The following CDC42BPB variants were observed in gnomAD, a reference collection of about 807,000 sequenced individuals.
The protein encoded by CDC42BPB is CDC42 binding protein kinase beta.
In CDC42BPB, 37 loss-of-function variants were observed where a neutral mutation model predicts 214.9. That is an observed-to-expected ratio of 0.17 (90% CI 0.13 to 0.23). The LOEUF (loss-of-function observed/expected upper bound fraction) is 0.23. CDC42BPB is among the 10% of genes least tolerant of loss of function. The probability of loss-of-function intolerance (pLI) is 1.00; values close to 1 mark genes in which losing one functional copy is unlikely to be tolerated. For missense variants in CDC42BPB, 1,694 were observed against 2,227.0 expected, an observed-to-expected ratio of 0.76 and a Z score of 4.82; for synonymous variants, 931 against 884.0, an observed-to-expected ratio of 1.05 and a Z score of -0.94.
At chr14:102,999,440 C>T (rs1015439028) in intron 5 of CDC42BPB, 125 bp downstream of exon 5, 16 of 832,784 alleles carry the variant, frequency 1.9e-5, no homozygotes, top group South Asian at 1.1e-4. Context: ...GTCTGTGCTG[C>T]GGCAGCTCAA....
At chr14:103,050,805 A>G (rs1199016156) in intron 1 of CDC42BPB, among the ~76,000 whole-genome samples, 1 of 152,072 alleles carries the variant, frequency 6.6e-6, no homozygotes, top group Non-Finnish European at 1.5e-5. Flanking sequence ...ATGACTCTGC[A>G]ATTTTGGAGG....
At chr14:103,036,777 C>T (rs1887687902) in intron 1 of CDC42BPB, among the ~76,000 whole-genome samples, 1 of 152,074 alleles carries the variant, frequency 6.6e-6, no homozygotes, top group African/African-American at 2.4e-5. Context: ...ATGCAATAAC[C>T]ATATTTCAAC....
At chr14:102,963,034 A>C in intron 20 of CDC42BPB, 27 bp downstream of exon 20, 2 of 1,023,814 alleles carry the variant, frequency 2.0e-6, no homozygotes, top group Non-Finnish European at 3.0e-6. Context: ...TATTCAAATA[A>C]TGCAGAATCG....
chr14:103,026,870 T>TAA (rs1036092882), intron 1 of CDC42BPB, among the ~76,000 whole-genome samples: 17 of 132,708 alleles, frequency 1.3e-4, no homozygotes, highest in African/African-American at 3.6e-4. Context: ...TCCGTCTCAT[T>TAA]AAAAAAAAAA....
chr14:103,030,121 G>C (rs1344828514), intron 1 of CDC42BPB, among the ~76,000 whole-genome samples: 1 of 152,118 alleles, frequency 6.6e-6, no homozygotes, highest in Admixed American at 6.5e-5. Flanking sequence ...TTTCCTTCCT[G>C]AACAGAGGAG....
At chr14:102,964,898 C>A in intron 18 of CDC42BPB, 1 of 435,252 alleles carries the variant, frequency 2.3e-6, no homozygotes, top group Non-Finnish European at 3.1e-6. Context: ...AAAAGTGATT[C>A]TGTAGTGCAA....
intron 1 of CDC42BPB, among the ~76,000 whole-genome samples, chr14:103,016,331 A>T (rs1264321380): frequency 6.6e-6 from 1 of 152,252 alleles, no homozygotes; most frequent in African/African-American, 2.4e-5. Context: ...AGGAAGCTGC[A>T]AGTCGTCCTC....
In CDC42BPB at chr14:103,001,989, A is replaced by T. The variant is rs1003887594; in HGVS notation, c.447+1939T>A. Among the ~76,000 whole-genome samples, 1 of 152,216 alleles carries T rather than the reference A, an allele frequency of 6.6e-6. No homozygotes were observed. Among genetic ancestry groups the T allele is most frequent in the African/African-American group, 2.4e-5 (1 of 41,458 alleles). The stretch of plus-strand genomic sequence containing the variant: ...AGAATCAGACCTAGTCTGTCCTGTC[A>T]CAGAACGCGGGGTGCTGAGTTAAGC... On this transcript the variant is annotated intron_variant, in intron 4 of 36. Coordinates refer to ENST00000361246, the MANE Select transcript of CDC42BPB (RefSeq NM_006035.4). This position sits in a 1 kb window ranked among gnomAD's most constrained non-coding sequence, Gnocchi z 5.8.
rs1891822723 is a variant in CDC42BPB, at chr14:102,940,087, C to A, written c.4550G>T (p.Cys1517Phe). 6.2e-7 allele frequency: 1 copy of A among 1,613,980 alleles called. No homozygotes were observed. Among genetic ancestry groups the A allele is most frequent in the Non-Finnish European group, 8.5e-7 (1 of 1,180,042 alleles). Residue 1517 changes from cysteine to phenylalanine, a missense_variant, in exon 32 of 37, where the codon TGC (cysteine) becomes TTC (phenylalanine). Cys to Phe is a radical substitution (Grantham distance 205). Coordinates refer to ENST00000361246, the MANE Select transcript of CDC42BPB (RefSeq NM_006035.4). ...GAAGTAGATCAAGCGTGGAGGCTCG[C>A]AGTTGAGGAGGTTGAGGGTGCCTTC... The part of the protein sequence containing the change: ...NSEGTLNLLN[C>F]EPPRLIYFKS...
chr14:102,960,115 G>A (rs1486306046), intron 20 of CDC42BPB, among the ~76,000 whole-genome samples: 2 of 152,096 alleles, frequency 1.3e-5, no homozygotes, highest in Middle Eastern at 3.2e-3. Context: ...GCTGAGGCAG[G>A]AGAATCTCGA....
At chr14:102,934,235 C>T (rs549353206) in intron 36 of CDC42BPB, 1 of 171,856 alleles carries the variant, frequency 5.8e-6, no homozygotes, top group African/African-American at 2.4e-5. Flanking sequence ...CCCATCTCTA[C>T]TGAAAACACA....
rs1893733689 is a variant in CDC42BPB at position 102,976,165 on chromosome 14, T to C, written c.1221-116A>G. On this transcript the variant is annotated intron_variant, in intron 9 of 36. Coordinates refer to ENST00000361246, the MANE Select transcript of CDC42BPB (RefSeq NM_006035.4). ...TTTTAAATCAGCAAACAAAAACACC[T>C]GAGATAAGACTTTATGGTTTATGGA... 2.7e-6 allele frequency: 4 copies of C among 1,494,494 alleles called. No individual in the cohort carries two copies. In the East Asian group the frequency reaches 6.9e-5, roughly 26 times the overall value. The allele number at this position is 1,494,494 out of a possible 1,614,324, so 92.6% of individuals were successfully genotyped here.
intron 17 of CDC42BPB, 62 bp downstream of exon 17, chr14:102,966,984 G>A: frequency 6.4e-7 from 1 of 1,572,244 alleles, no homozygotes. Flanking sequence ...GAAGAGGCGG[G>A]GCAGACCCCA....
At chr14:103,053,555 A>G (rs576376502) in intron 1 of CDC42BPB, among the ~76,000 whole-genome samples, 5 of 151,612 alleles carry the variant, frequency 3.3e-5, no homozygotes, top group African/African-American at 9.7e-5. Flanking sequence ...AGGTCTGGAG[A>G]TCGAGACCAT....
intron 2 of CDC42BPB, among the ~76,000 whole-genome samples, chr14:103,010,603 A>G (rs905069164): frequency 1.3e-4 from 20 of 152,242 alleles, no homozygotes; most frequent in African/African-American, 4.6e-4. Flanking sequence ...TGGGCAGAGC[A>G]CACCTGCTGC....
intron 1 of CDC42BPB, among the ~76,000 whole-genome samples, chr14:103,045,631 C>G (rs1487683107): frequency 6.6e-6 from 1 of 152,218 alleles, no homozygotes; most frequent in African/African-American, 2.4e-5. Context: ...AAAGAAAAAC[C>G]TGCTCTCCTG....
At chr14:103,007,112 C>G (rs1340548955) in intron 3 of CDC42BPB, among the ~76,000 whole-genome samples, 4 of 152,172 alleles carry the variant, frequency 2.6e-5, no homozygotes, top group African/African-American at 9.7e-5. Flanking sequence ...GGAAGGGAGA[C>G]CGTGTACACC....
intron 24 of CDC42BPB, among the ~76,000 whole-genome samples, chr14:102,951,180 C>T (rs545568472): frequency 5.3e-5 from 8 of 152,274 alleles, no homozygotes; most frequent in African/African-American, 1.9e-4. Context: ...GCCTCCCACA[C>T]GTGGGAGTTT....
rs1287581755 is a variant in CDC42BPB, at chr14:102,984,982, G to A, written c.691-1226C>T. Among the ~76,000 whole-genome samples, 5 of 152,158 alleles carry A rather than the reference G, an allele frequency of 3.3e-5. No homozygotes were observed. In the East Asian group the frequency reaches 5.8e-4, roughly 18 times the overall value. ...CTCCACGATGAACAACTACTGTGAC[G>A]GGGTGGAGTGGAGGTGAGGAGGGTA... On this transcript the variant is annotated intron_variant, in intron 6 of 36. Transcript: ENST00000361246.
Sources: allele counts gnomAD v4.1 joint callset (sites outside exome capture counted in the v4.1 genomes callset), GRCh38; gene constraint gnomAD v4.1.1; non-coding constraint Gnocchi (gnomAD v3.1); transcripts MANE v1.5; gene names NCBI Gene and HGNC (gene_info 2026-07-23, HGNC 2026-07-21).